Variants in CENPP observed in about 807,000 individuals in gnomAD.
CENPP encodes centromere protein P.
In CENPP, 24 loss-of-function variants were observed where a neutral mutation model predicts 35.6. The ratio of observed to expected loss-of-function variants is 0.67; its 90% CI spans 0.49 to 0.95. The LOEUF (loss-of-function observed/expected upper bound fraction) is 0.95. Ranked by LOEUF, CENPP falls within the 40% of genes least tolerant of loss-of-function variation. CENPP has a pLI of 0.00. For missense variants in CENPP, 332 were observed against 345.3 expected (o/e 0.96, Z 0.31); for synonymous variants, 120 against 125.5 (o/e 0.96, Z 0.29).
At chr9:92,540,481 A>AATCAATG (rs1357657868) in intron 5 of CENPP, among the ~76,000 whole-genome samples, 1 of 151,668 alleles carries the variant, frequency 6.6e-6, no homozygotes, top group Non-Finnish European at 1.5e-5. Context: ...ATCTTAAAAT[A>AATCAATG]ATCAATGAAG....
intron 5 of CENPP, among the ~76,000 whole-genome samples, chr9:92,441,756 G>A (rs889253583): frequency 3.3e-5 from 5 of 151,936 alleles, no homozygotes; most frequent in African/African-American, 1.2e-4. Flanking sequence ...GAGACTCTTA[G>A]GAAACAAAGC....
chr9:92,404,798 G>T, intron 5 of CENPP: 1 of 369,262 alleles, frequency 2.7e-6, no homozygotes, highest in Non-Finnish European at 4.2e-6. Context: ...TTTTATTATT[G>T]TGTAATAAAC....
In CENPP at chr9:92,425,865, G is replaced by C. The variant is rs186688883; in HGVS notation, c.564+46006G>C. 2.6e-5 allele frequency among the ~76,000 whole-genome samples: 4 copies of C among 152,312 alleles called. No homozygotes were observed. The East Asian group carries it at 7.7e-4, about 29-fold the overall frequency. ...ACTCAGGCTTTCACTAAGGAAGAGAGAGCAAATCTGTGTACTTTTTCAAAA... is the reference window on the plus strand; with the variant it reads ...ACTCAGGCTTTCACTAAGGAAGAGACAGCAAATCTGTGTACTTTTTCAAAA... On this transcript the variant is annotated intron_variant, in intron 5 of 7. Transcript: ENST00000375587.
upstream of CENPP, chr9:92,325,837 C>A: frequency 7.0e-6 from 4 of 567,744 alleles, no homozygotes; most frequent in Non-Finnish European, 1.2e-5. Flanking sequence ...CGGAGTTGGA[C>A]GTGCAGGGCC....
chr9:92,611,022 T>G, intron 5 of CENPP: 5 of 464,192 alleles, frequency 1.1e-5, no homozygotes, highest in Non-Finnish European at 1.6e-5. Flanking sequence ...CCATCCCAGA[T>G]GGAAAGGGTG....
chr9:92,496,292 A>G (rs769235865), intron 5 of CENPP: 1 of 1,561,218 alleles, frequency 6.4e-7, no homozygotes, highest in Non-Finnish European at 8.6e-7. Context: ...TAAAGTTTAT[A>G]AACAGCAAAG....
intron 5 of CENPP, among the ~76,000 whole-genome samples, chr9:92,512,706 A>G (rs1021636688): frequency 6.6e-6 from 1 of 152,186 alleles, no homozygotes; most frequent in African/African-American, 2.4e-5. Flanking sequence ...TTTTGTTTTA[A>G]CATTTAGTTA....
chr9:92,488,578 A>G (rs1188391473), intron 5 of CENPP, among the ~76,000 whole-genome samples: 1 of 152,198 alleles, frequency 6.6e-6, no homozygotes, highest in African/African-American at 2.4e-5. Flanking sequence ...GCTGCCCTAG[A>G]ATAGATTTAC....
At chr9:92,549,813 C>T (rs927166335) in intron 5 of CENPP, among the ~76,000 whole-genome samples, 9 of 152,132 alleles carry the variant, frequency 5.9e-5, no homozygotes, top group East Asian at 1.9e-4. Context: ...CATAGATGTA[C>T]GTTCTGTCTC....
chr9:92,590,248 A>C (rs78456909), intron 5 of CENPP, among the ~76,000 whole-genome samples: 160 of 152,240 alleles, frequency 1.1e-3, no homozygotes, highest in African/African-American at 3.8e-3. Flanking sequence ...GTTTTTTTCA[A>C]ACTTTAACTT....
intron 5 of CENPP, among the ~76,000 whole-genome samples, chr9:92,520,020 G>A (rs1199242234): frequency 2.7e-5 from 4 of 150,222 alleles, no homozygotes; most frequent in African/African-American, 5.0e-5. Context: ...AGTGGCTCTC[G>A]CTTGTAATTC....
intron 5 of CENPP, among the ~76,000 whole-genome samples, chr9:92,428,559 G>C (rs1296237676): frequency 6.6e-6 from 1 of 152,066 alleles, no homozygotes; most frequent in African/African-American, 2.4e-5. Context: ...TTTTTGGTCT[G>C]TCTGTGTCTC....
chr9:92,467,375 G>A (rs974886083), intron 5 of CENPP, among the ~76,000 whole-genome samples: 6 of 152,200 alleles, frequency 3.9e-5, no homozygotes, highest in African/African-American at 1.2e-4. Flanking sequence ...AATGTCCTAG[G>A]CAAACTGGGA....
At chr9:92,570,552 G>A (rs950712262) in intron 5 of CENPP, among the ~76,000 whole-genome samples, 1 of 152,048 alleles carries the variant, frequency 6.6e-6, no homozygotes, top group Non-Finnish European at 1.5e-5. Flanking sequence ...TTTTTGTGGT[G>A]TCTCCACCAG....
At chr9:92,479,333 G>A (rs1315046105) in intron 5 of CENPP, among the ~76,000 whole-genome samples, 2 of 152,156 alleles carry the variant, frequency 1.3e-5, no homozygotes, top group Non-Finnish European at 2.9e-5. Context: ...CAAAACTGCG[G>A]TAAAATTAAA....
At chr9:92,610,641 C>G (rs911353719) in intron 5 of CENPP, 1 of 152,238 alleles carries the variant, frequency 6.6e-6, no homozygotes, top group Non-Finnish European at 1.5e-5. Flanking sequence ...TGGGAGGAGG[C>G]TTTTGACCAT....
intron 3 of CENPP, 149 bp downstream of exon 3, chr9:92,337,778 A>G (rs1840976286): frequency 1.6e-6 from 1 of 644,264 alleles, no homozygotes; most frequent in African/African-American, 1.8e-5. Flanking sequence ...AAAGTGGTAC[A>G]TTTTCAAAAT....
intron 4 of CENPP, among the ~76,000 whole-genome samples, chr9:92,360,115 A>G (rs1278164014): frequency 6.6e-6 from 1 of 152,062 alleles, no homozygotes; most frequent in Non-Finnish European, 1.5e-5. Context: ...TCTCCTTTAA[A>G]TATATTTTAA....
rs76453444 is a variant in CENPP, at chr9:92,369,391, G to A, written c.468-10372G>A. ...TAACTCTCTTGTATCTGGCCCTGGG[G>A]TGATTACAGCAGGTGGATAGTGGAG... is the stretch of plus-strand genomic sequence containing the variant. On this transcript the variant is annotated intron_variant, in intron 4 of 7. Coordinates refer to ENST00000375587, the MANE Select transcript of CENPP (RefSeq NM_001012267.3). Among the ~76,000 whole-genome samples the A allele has an allele frequency of 4.8e-3, 737 of 152,266 alleles. 5 individuals are homozygous for A. Among genetic ancestry groups the A allele is most frequent in the African/African-American group, 0.015 (642 of 41,552 alleles).
Sources: allele counts gnomAD v4.1 joint callset (sites outside exome capture counted in the v4.1 genomes callset), GRCh38; gene constraint gnomAD v4.1.1; transcripts MANE v1.5; gene names NCBI Gene and HGNC (gene_info 2026-07-23, HGNC 2026-07-21).